SLC2A12: variants seen among roughly 807,000 people sequenced by gnomAD.
SLC2A12 encodes solute carrier family 2 member 12.
SLC2A12 carries 23 observed loss-of-function variants against 41.8 expected under a neutral mutation model. The ratio of observed to expected loss-of-function variants is 0.55; its 90% CI spans 0.40 to 0.78. The LOEUF (loss-of-function observed/expected upper bound fraction) is 0.78. SLC2A12 is among the 30% of genes least tolerant of loss of function. The pLI, the probability that SLC2A12 is intolerant of heterozygous loss-of-function variation, is 0.00. For missense variants in SLC2A12, 654 were observed against 745.6 expected (o/e 0.88, Z 1.43); for synonymous variants, 295 against 285.9 (o/e 1.03, Z -0.32).
intron 2 of SLC2A12, among the ~76,000 whole-genome samples, chr6:134,024,769 G>A (rs1430507090): frequency 6.6e-6 from 1 of 152,226 alleles, no homozygotes; most frequent in African/African-American, 2.4e-5. Flanking sequence ...ATTGAATAAT[G>A]TATAGAAAAA....
chr6:134,017,052 G>C (rs1776971976), intron 2 of SLC2A12, among the ~76,000 whole-genome samples: 1 of 151,998 alleles, frequency 6.6e-6, no homozygotes, highest in African/African-American at 2.4e-5. Context: ...TCCTACCTTG[G>C]ATGGGCTATT....
intron 1 of SLC2A12, among the ~76,000 whole-genome samples, chr6:134,038,282 C>T (rs1266814696): frequency 6.6e-6 from 1 of 151,800 alleles, no homozygotes; most frequent in Non-Finnish European, 1.5e-5. Flanking sequence ...TTAGTACTCC[C>T]CTGTGCTTTG....
chr6:134,016,871 T>C (rs1182228683), intron 2 of SLC2A12, among the ~76,000 whole-genome samples: 1 of 152,224 alleles, frequency 6.6e-6, no homozygotes, highest in Non-Finnish European at 1.5e-5. Context: ...TATTGAAATA[T>C]TTCTATAACC....
At chr6:134,040,881 A>G (rs1016880282) in intron 1 of SLC2A12, among the ~76,000 whole-genome samples, 1 of 152,198 alleles carries the variant, frequency 6.6e-6, no homozygotes, top group African/African-American at 2.4e-5. Context: ...GGGAGTTGGA[A>G]TGGCTGTGGT....
At chr6:134,045,199 C>A (rs2114509500) in intron 1 of SLC2A12, among the ~76,000 whole-genome samples, 1 of 152,228 alleles carries the variant, frequency 6.6e-6, no homozygotes, top group Non-Finnish European at 1.5e-5. Context: ...TAGAAAAATA[C>A]AAGTTACATA....
chr6:134,033,681 A>G (rs565967443), intron 1 of SLC2A12, among the ~76,000 whole-genome samples: 1 of 152,292 alleles, frequency 6.6e-6, no homozygotes, highest in South Asian at 2.1e-4. Context: ...AATCAATGCC[A>G]TAACTGCTTT....
At chr6:134,030,525 G>A (rs1032142098) in intron 1 of SLC2A12, among the ~76,000 whole-genome samples, 2 of 152,154 alleles carry the variant, frequency 1.3e-5, no homozygotes, top group African/African-American at 4.8e-5. Context: ...CAAAAAGTTA[G>A]TAACTATTAA....
intron 4 of SLC2A12, among the ~76,000 whole-genome samples, chr6:133,995,471 C>G (rs567463564): frequency 1.8e-4 from 27 of 152,188 alleles, no homozygotes; most frequent in South Asian, 6.2e-4. Flanking sequence ...AAGTCAGAAG[C>G]AAGGCCATCA....
chr6:134,022,214 G>C (rs1475089745), intron 2 of SLC2A12, among the ~76,000 whole-genome samples: 1 of 151,758 alleles, frequency 6.6e-6, no homozygotes, highest in Non-Finnish European at 1.5e-5. Context: ...TCCCAAATCT[G>C]TGTGCCCTCA....
Position 133,987,648 on chromosome 6 carries a change from G to GTT in SLC2A12, c.*3506_*3507insAA, listed in dbSNP as rs200249148. 1.1e-5 allele frequency: 1 copy of GTT among 88,396 alleles called. No homozygotes were observed. The highest frequency in any genetic ancestry group is 2.8e-5 in the Non-Finnish European group (1 of 35,232). 5.5% of individuals were successfully genotyped at this position (88,396 alleles called of 1,614,324 possible). A position where few individuals can be genotyped will look rare whatever the true frequency, so the allele number is the denominator to read the frequency against. ...TTTGTGTGTGTGTGTGTGTGTGTGT[G>GTT]TATATATATATATATATATGCACCA... On this transcript the variant is annotated 3_prime_UTR_variant, in exon 5 of 5. Transcript: ENST00000275230.
intron 1 of SLC2A12, among the ~76,000 whole-genome samples, chr6:134,051,351 G>T (rs952301500): frequency 6.6e-6 from 1 of 152,180 alleles, no homozygotes; most frequent in Non-Finnish European, 1.5e-5. Context: ...GATTCCCCAA[G>T]ATCAGACAAA....
chr6:134,011,783 T>C (rs1776887634), intron 2 of SLC2A12, among the ~76,000 whole-genome samples: 1 of 152,074 alleles, frequency 6.6e-6, no homozygotes, highest in Non-Finnish European at 1.5e-5. Flanking sequence ...GGCTCATTCC[T>C]GTAATTCCAG....
intron 1 of SLC2A12, among the ~76,000 whole-genome samples, chr6:134,037,908 A>G (rs1777325680): frequency 6.6e-6 from 1 of 152,100 alleles, no homozygotes; most frequent in African/African-American, 2.4e-5. Context: ...TGGTGTTTCC[A>G]GCCCACCAAA....
intron 1 of SLC2A12, among the ~76,000 whole-genome samples, chr6:134,051,016 G>C (rs888822408): frequency 6.6e-5 from 10 of 152,254 alleles, no homozygotes; most frequent in Non-Finnish European, 1.2e-4. Flanking sequence ...TAACCTCCAA[G>C]TGATTCTTGT....
rs1165631319 is a variant in SLC2A12 at position 133,989,774 on chromosome 6, A to G, written c.*1381T>C. On this transcript the variant is annotated 3_prime_UTR_variant, in exon 5 of 5. Transcript: ENST00000275230. ...AATGTAATAGATCATGTTTCCTTAT[A>G]TGACATTGGGACAGTTTGTTAGGAA... 1 of 152,206 alleles carries G rather than the reference A, an allele frequency of 6.6e-6. No individual in the cohort carries two copies. The highest frequency in any genetic ancestry group is 2.4e-5 in the African/African-American group (1 of 41,454). The allele number at this position is 152,206 out of a possible 1,614,324, so 9.4% of individuals were successfully genotyped here.
intron 1 of SLC2A12, among the ~76,000 whole-genome samples, chr6:134,030,234 C>T (rs1340325153): frequency 1.3e-5 from 2 of 152,156 alleles, no homozygotes; most frequent in Non-Finnish European, 2.9e-5. Flanking sequence ...GAAACTTGCC[C>T]TCTTATCTCC....
intron 1 of SLC2A12, among the ~76,000 whole-genome samples, chr6:134,045,090 C>A (rs1464191509): frequency 6.6e-6 from 1 of 152,188 alleles, no homozygotes; most frequent in Non-Finnish European, 1.5e-5. Flanking sequence ...TGATTCCTAC[C>A]TATTATGAAT....
chr6:133,999,275 A>T (rs775664927), intron 4 of SLC2A12, among the ~76,000 whole-genome samples: 2 of 152,236 alleles, frequency 1.3e-5, no homozygotes, highest in Non-Finnish European at 2.9e-5. Context: ...AGAAGGAGAA[A>T]TCAGGAGATT....
chr6:134,046,383 T>C (rs1449689612), intron 1 of SLC2A12, among the ~76,000 whole-genome samples: 1 of 152,212 alleles, frequency 6.6e-6, no homozygotes, highest in Non-Finnish European at 1.5e-5. Flanking sequence ...AGAATTGCAT[T>C]TTTCTCCGTG....
Sources: allele counts gnomAD v4.1 joint callset (sites outside exome capture counted in the v4.1 genomes callset), GRCh38; gene constraint gnomAD v4.1.1; transcripts MANE v1.5; gene names NCBI Gene and HGNC (gene_info 2026-07-23, HGNC 2026-07-21).